Variants in DSCAM observed in about 807,000 individuals in gnomAD.
The protein encoded by DSCAM is DS cell adhesion molecule, also known as cell adhesion molecule DSCAM.
A neutral mutation model predicts 217.7 loss-of-function variants in DSCAM; 47 were observed. The observed-to-expected ratio is 0.22, with a 90% CI of 0.17 to 0.28. The LOEUF is 0.28. Ranked by LOEUF, DSCAM falls within the 10% of genes least tolerant of loss-of-function variation. The pLI is 1.00. For missense variants in DSCAM, 2,080 were observed against 2,618.3 expected (o/e 0.79, Z 4.49); for synonymous variants, 1,056 against 1,015.3 (o/e 1.04, Z -0.76).
chr21:40,567,307 T>C (rs542227859), intron 3 of DSCAM, among the ~76,000 whole-genome samples: 24 of 152,180 alleles, frequency 1.6e-4, no homozygotes, highest in Non-Finnish European at 3.5e-4. Context: ...TTGTGCAAGG[T>C]AGCTAGCTGC....
rs182875575 is a variant in DSCAM, at chr21:40,719,142, A to G, written c.44-10371T>C. ...AAAGAAGAAAAACACACACACACAC[A>G]CACAAGGTGTGAACAGTCACTTCAC... is the stretch of plus-strand genomic sequence containing the variant. On this transcript the variant is annotated intron_variant, in intron 1 of 32. Coordinates refer to ENST00000400454, the MANE Select transcript of DSCAM (RefSeq NM_001389.5). 8.0e-4 allele frequency among the ~76,000 whole-genome samples: 122 copies of G among 152,310 alleles called. 1 individual carries two copies. Among genetic ancestry groups the G allele is most frequent in the Admixed American group, 7.4e-3 (114 of 15,304 alleles).
chr21:40,614,129 T>C (rs1291282020), intron 3 of DSCAM, among the ~76,000 whole-genome samples: 1 of 152,134 alleles, frequency 6.6e-6, no homozygotes, highest in Admixed American at 6.5e-5. Context: ...CAGCCTAAGG[T>C]GGCCTGTCCT....
intron 6 of DSCAM, among the ~76,000 whole-genome samples, chr21:40,343,855 CATTTT>C (rs1052988781): frequency 3.5e-4 from 52 of 149,910 alleles, no homozygotes; most frequent in South Asian, 1.3e-3. Flanking sequence ...TATTTTATTT[CATTTT>C]ATTTTATTTT....
At chr21:40,639,628 G>C (rs977610267) in intron 3 of DSCAM, among the ~76,000 whole-genome samples, 1 of 152,084 alleles carries the variant, frequency 6.6e-6, no homozygotes, top group Non-Finnish European at 1.5e-5. Context: ...GCCTCCATGT[G>C]TAAAATAATG....
chr21:40,384,315 G>A (rs1474852034), intron 3 of DSCAM, among the ~76,000 whole-genome samples: 2 of 152,104 alleles, frequency 1.3e-5, no homozygotes, highest in African/African-American at 4.8e-5. Flanking sequence ...TACTAAAACT[G>A]GACAGCAGAA....
intron 1 of DSCAM, among the ~76,000 whole-genome samples, chr21:40,780,448 T>G (rs1331755513): frequency 7.1e-6 from 1 of 141,828 alleles, no homozygotes; most frequent in African/African-American, 2.5e-5. Context: ...TATATATATA[T>G]CTCCTGTTAT....
chr21:40,479,078 G>T (rs899064668), intron 3 of DSCAM, among the ~76,000 whole-genome samples: 1 of 152,166 alleles, frequency 6.6e-6, no homozygotes, highest in Non-Finnish European at 1.5e-5. Context: ...AAGAACAGAA[G>T]CCCACCTATG....
intron 18 of DSCAM, among the ~76,000 whole-genome samples, chr21:40,138,161 C>A (rs189863127): frequency 1.4e-4 from 22 of 152,074 alleles, no homozygotes; most frequent in Non-Finnish European, 3.2e-4. Flanking sequence ...CTTTCTTAGA[C>A]GTATTTTGGA....
chr21:40,780,769 C>A (rs964957415), intron 1 of DSCAM, among the ~76,000 whole-genome samples: 1 of 151,914 alleles, frequency 6.6e-6, no homozygotes, highest in South Asian at 2.1e-4. Flanking sequence ...TTCGCTGACA[C>A]CTTGGTCTCA....
At chr21:40,648,857 C>G (rs1288138936) in intron 3 of DSCAM, among the ~76,000 whole-genome samples, 2 of 152,176 alleles carry the variant, frequency 1.3e-5, no homozygotes, top group African/African-American at 2.4e-5. Context: ...TGCCCATCCT[C>G]ACCCTTGGAA....
chr21:40,276,197 C>T lies in DSCAM; in HGVS notation c.2256G>A (p.Leu752=). The change falls in exon 11 of 33, where the codon CTG becomes CTA. Residue 752 remains leucine (L), a synonymous_variant. Transcript: ENST00000400454. ...RIQVLSNGSL[L]IKHVVEEDSG... ...TGTCTTCCTCCACGACATGCTTGAT[C>T]AGCAACGACCCATTGCTGAGAACTT... 6.2e-7 allele frequency: 1 copy of T among 1,613,366 alleles called. No homozygotes were observed. Among genetic ancestry groups the T allele is most frequent in the South Asian group, 1.1e-5 (1 of 91,004 alleles).
chr21:40,199,785 C>T (rs61624204), intron 11 of DSCAM, among the ~76,000 whole-genome samples: 1 of 151,846 alleles, frequency 6.6e-6, no homozygotes, highest in African/African-American at 2.4e-5. Context: ...GTGGGTGGGG[C>T]AAGGGGAGGG....
At chr21:40,692,703 A>C in intron 3 of DSCAM, 107 bp downstream of exon 3, 1 of 1,335,866 alleles carries the variant, frequency 7.5e-7, no homozygotes, top group Non-Finnish European at 1.0e-6. Context: ...TAAGAATACT[A>C]ATTCTGAATT....
intron 1 of DSCAM, among the ~76,000 whole-genome samples, chr21:40,765,948 G>T (rs2091384587): frequency 6.6e-6 from 1 of 152,210 alleles, no homozygotes; most frequent in Non-Finnish European, 1.5e-5. Context: ...GATGGGAATG[G>T]CATTTCCCCA....
intron 3 of DSCAM, among the ~76,000 whole-genome samples, chr21:40,411,488 A>C (rs749239061): frequency 9.9e-5 from 15 of 152,208 alleles, no homozygotes; most frequent in Non-Finnish European, 1.9e-4. Flanking sequence ...AAATATTATC[A>C]GATTGTATAA....
At chr21:40,730,011 T>C (rs185397816) in intron 1 of DSCAM, among the ~76,000 whole-genome samples, 70 of 152,280 alleles carry the variant, frequency 4.6e-4, no homozygotes, top group African/African-American at 1.7e-3. Context: ...AGACTGGAGT[T>C]GAACATTCTC....
intron 4 of DSCAM, among the ~76,000 whole-genome samples, chr21:40,368,533 A>T (rs898040052): frequency 1.3e-5 from 2 of 152,382 alleles, no homozygotes. Flanking sequence ...ACAGTACATT[A>T]TCAAGGACAA....
At chr21:40,676,120 GAAAGT>G (rs980808431) in intron 3 of DSCAM, among the ~76,000 whole-genome samples, 1 of 152,074 alleles carries the variant, frequency 6.6e-6, no homozygotes, top group African/African-American at 2.4e-5. Context: ...TTCTTGAAAA[GAAAGT>G]AATCATCCAT....
rs1293311951 is a variant in DSCAM, at chr21:40,083,968, T to C, written c.4171A>G (p.Thr1391Ala). 1.9e-6 allele frequency: 3 copies of C among 1,613,878 alleles called. No individual in the cohort carries two copies. In the East Asian group the frequency reaches 6.7e-5, roughly 36 times the overall value. ...CAAGAAAGGGTGATGGAGGAAGACG[T>C]GGTCTTGGAGACTGTAAGCCGAGGC... ...DQPRLTVSKTTSSSITLSWLP... is the reference protein window; with the variant it reads ...DQPRLTVSKTASSSITLSWLP... Residue 1391 changes from threonine to alanine, a missense_variant, in exon 24 of 33, where the codon ACG becomes GCG. By Grantham distance (58) the Thr-to-Ala change is moderately conservative. This residue lies in a region of DSCAM where 1,144 missense variants were observed against 1,421.1 expected (regional missense o/e 0.81). Coordinates refer to ENST00000400454, the MANE Select transcript of DSCAM (RefSeq NM_001389.5).
Sources: gnomAD v4.1 joint callset for allele counts (sites outside exome capture counted in the v4.1 genomes callset) on GRCh38, gnomAD v4.1.1 for gene constraint, gnomAD v4.1.1 regional missense constraint, MANE v1.5 for transcripts, NCBI Gene and HGNC (gene_info 2026-07-23, HGNC 2026-07-21) for gene names.